UBR1: variants seen among roughly 807,000 people sequenced by gnomAD.
UBR1 encodes the protein E3 ubiquitin-protein ligase UBR1.
Under a neutral mutation model 242.1 loss-of-function variants are expected in UBR1, and 102 were observed. The ratio of observed to expected loss-of-function variants is 0.42; its 90% CI spans 0.36 to 0.50. UBR1 has a LOEUF of 0.50. UBR1 is among the 20% of genes least tolerant of loss of function. The probability of loss-of-function intolerance (pLI) is 0.01; values close to 1 mark genes in which losing one functional copy is unlikely to be tolerated. For synonymous variants in UBR1, 675 were observed against 684.8 expected (o/e 0.99, Z 0.22); for missense variants, 1,772 against 2,101.8 (o/e 0.84, Z 3.07).
intron 44 of UBR1, among the ~76,000 whole-genome samples, chr15:42,953,380 G>A (rs2031865719): frequency 6.6e-6 from 1 of 152,142 alleles, no homozygotes; most frequent in Non-Finnish European, 1.5e-5. Flanking sequence ...CCACACTGGG[G>A]TCGGAATAAA....
chr15:42,952,899 G>T (rs550387949), intron 44 of UBR1, among the ~76,000 whole-genome samples: 1 of 152,024 alleles, frequency 6.6e-6, no homozygotes, highest in East Asian at 1.9e-4. Context: ...TACAGTAAGG[G>T]TCCAAACACA....
chr15:43,069,943 A>C (rs916759862), intron 5 of UBR1, among the ~76,000 whole-genome samples: 4 of 152,212 alleles, frequency 2.6e-5, no homozygotes, highest in African/African-American at 9.6e-5. Context: ...ATTTATTTCC[A>C]CAAGTGGTTT....
chr15:43,098,978 C>T (rs905213210), intron 1 of UBR1, among the ~76,000 whole-genome samples: 2 of 152,144 alleles, frequency 1.3e-5, no homozygotes, highest in Non-Finnish European at 2.9e-5. Flanking sequence ...AAAATCATCT[C>T]CAATTAAAAT....
At chr15:43,067,317 A>T (rs899116179) in intron 6 of UBR1, among the ~76,000 whole-genome samples, 11 of 152,194 alleles carry the variant, frequency 7.2e-5, no homozygotes, top group African/African-American at 2.4e-4. Context: ...CACCTATTCT[A>T]ATTCTATATT....
intron 2 of UBR1, among the ~76,000 whole-genome samples, chr15:43,085,262 TAA>T (rs2034021471): frequency 1.3e-5 from 2 of 152,216 alleles, no homozygotes; most frequent in African/African-American, 4.8e-5. Flanking sequence ...ACAGATTTCT[TAA>T]AGAAAGATTG....
intron 2 of UBR1, 101 bp from the exon 3 acceptor site, chr15:43,082,817 C>CA: frequency 1.2e-6 from 1 of 832,628 alleles, no homozygotes; most frequent in East Asian, 2.5e-5. Context: ...CTATGGTACA[C>CA]AAACTGAATA....
chr15:43,034,657 G>A lies in UBR1; in HGVS notation c.2190+1521C>T, dbSNP rs144775025. Among the ~76,000 whole-genome samples the A allele has an allele frequency of 5.4e-3, 825 of 152,030 alleles. 7 individuals carry two copies. The highest frequency in any genetic ancestry group is 0.019 in the African/African-American group (786 of 41,508). ...CACCAGAACTTTGGGAGGCCAAGGC[G>A]GGCAGATCACCCGAGGTCAGAAGTT... is the stretch of plus-strand genomic sequence containing the variant. On this transcript the variant is annotated intron_variant, in intron 19 of 46. Coordinates refer to ENST00000290650, the MANE Select transcript of UBR1 (RefSeq NM_174916.3).
At chr15:43,000,398 G>C (rs2032705614) in intron 32 of UBR1, among the ~76,000 whole-genome samples, 1 of 152,200 alleles carries the variant, frequency 6.6e-6, no homozygotes, top group Non-Finnish European at 1.5e-5. Context: ...GAAAGAAGTA[G>C]CTAAATATTC....
intron 40 of UBR1, among the ~76,000 whole-genome samples, 179 bp downstream of exon 40, chr15:42,970,341 A>T (rs2032183228): frequency 6.6e-6 from 1 of 152,224 alleles, no homozygotes; most frequent in East Asian, 1.9e-4. Flanking sequence ...ATAAAAATTA[A>T]CTCAAGATGG....
At chr15:43,096,386 T>C (rs773741348) in intron 1 of UBR1, among the ~76,000 whole-genome samples, 11 of 152,156 alleles carry the variant, frequency 7.2e-5, no homozygotes, top group Non-Finnish European at 1.5e-4. Flanking sequence ...GGTCTCAAAC[T>C]CCTGACCTTA....
At chr15:43,068,641 G>C (rs1353717440) in intron 5 of UBR1, among the ~76,000 whole-genome samples, 1 of 149,580 alleles carries the variant, frequency 6.7e-6, no homozygotes, top group Non-Finnish European at 1.5e-5. Flanking sequence ...TTTTGTTTTA[G>C]ATGGAATCTC....
chr15:42,988,452 G>A (rs570794364), intron 35 of UBR1: 6 of 266,328 alleles, frequency 2.3e-5, no homozygotes, highest in South Asian at 8.5e-5. Flanking sequence ...ATACCACCAC[G>A]CCTGGCTAAT....
intron 6 of UBR1, among the ~76,000 whole-genome samples, chr15:43,067,187 C>A (rs2033764179): frequency 6.6e-6 from 1 of 152,082 alleles, no homozygotes; most frequent in African/African-American, 2.4e-5. Context: ...GTAAATACTT[C>A]ATAAATGTTA....
chr15:43,025,406 C>G lies in UBR1; in HGVS notation c.2559G>C (p.Arg853Ser). ...CTTCATCTTTGTTTTCTTGTTTTCTCCTTTTCTTCTGCATATGTTCAGCCT... is the reference window on the plus strand; with the variant it reads ...CTTCATCTTTGTTTTCTTGTTTTCTGCTTTTCTTCTGCATATGTTCAGCCT... ...HSKAEHMQKK[R>S]RKQENKDEAL... Residue 853 changes from arginine (R) to serine (S), a missense_variant, in exon 24 of 47, where the codon AGG becomes AGC. By Grantham distance (110) the Arg-to-Ser change is moderately radical (BLOSUM62 -1). Transcript: ENST00000290650. 1 of 1,608,690 alleles carries G rather than the reference C, an allele frequency of 6.2e-7. No individual in the cohort carries two copies. The highest frequency in any genetic ancestry group is 8.5e-7 in the Non-Finnish European group (1 of 1,177,404).
At chr15:42,947,334 C>T (rs768360990) in intron 46 of UBR1, among the ~76,000 whole-genome samples, 8 of 152,128 alleles carry the variant, frequency 5.3e-5, no homozygotes, top group Admixed American at 1.3e-4. Flanking sequence ...GGAAACACTA[C>T]CTTCAAATTT....
chr15:42,947,181 A>G (rs2031752422), intron 46 of UBR1, among the ~76,000 whole-genome samples: 1 of 152,206 alleles, frequency 6.6e-6, no homozygotes, highest in South Asian at 2.1e-4. Context: ...AATGGAAACA[A>G]TATCTCTAAA....
chr15:43,038,001 T>A (rs553061078), intron 16 of UBR1, 118 bp from the exon 17 acceptor site: 5 of 1,210,270 alleles, frequency 4.1e-6, no homozygotes, highest in Non-Finnish European at 6.0e-6. Flanking sequence ...TTGAACTAGA[T>A]GACGTCTAAG....
At chr15:43,098,454 C>A (rs917296719) in intron 1 of UBR1, among the ~76,000 whole-genome samples, 1 of 152,182 alleles carries the variant, frequency 6.6e-6, no homozygotes, top group African/African-American at 2.4e-5. Context: ...TTGTAAAGAA[C>A]TGATTATCTA....
At chr15:43,091,085 C>T (rs1218761980) in intron 1 of UBR1, among the ~76,000 whole-genome samples, 1 of 152,068 alleles carries the variant, frequency 6.6e-6, no homozygotes. Context: ...ATTACAGGAA[C>T]GTGCCACCAC....
Sources: allele counts gnomAD v4.1 joint callset (sites outside exome capture counted in the v4.1 genomes callset), GRCh38; gene constraint gnomAD v4.1.1; transcripts MANE v1.5; gene names NCBI Gene and HGNC (gene_info 2026-07-23, HGNC 2026-07-21).